Variants in NEO1 observed in about 807,000 individuals in gnomAD.
The protein encoded by NEO1 is neogenin 1, also known as neogenin.
Under a neutral mutation model 159.7 loss-of-function variants are expected in NEO1, and 63 were observed. The observed-to-expected ratio is 0.39, with a 90% CI of 0.32 to 0.49. The LOEUF (loss-of-function observed/expected upper bound fraction) is 0.49. Among genes scored for constraint, NEO1 ranks in the 20% least tolerant of loss-of-function variants. NEO1 has a pLI of 0.85. For synonymous variants in NEO1, 633 were observed against 662.0 expected (o/e 0.96, Z 0.67); for missense variants, 1,615 against 1,831.0 (o/e 0.88, Z 2.15).
intron 14 of NEO1, among the ~76,000 whole-genome samples, chr15:73,260,070 T>C (rs2040551188): frequency 1.3e-5 from 2 of 149,704 alleles, no homozygotes; most frequent in African/African-American, 4.9e-5. Flanking sequence ...TTCAGGTCTT[T>C]TTTTTTTTTT....
At chr15:73,138,358 C>T (rs910104371) in intron 5 of NEO1, among the ~76,000 whole-genome samples, 29 of 152,160 alleles carry the variant, frequency 1.9e-4, no homozygotes, top group African/African-American at 7.0e-4. Context: ...AATTATCACA[C>T]AAGATCTCTG....
intron 1 of NEO1, among the ~76,000 whole-genome samples, chr15:73,059,624 G>A (rs1189914367): frequency 6.6e-6 from 1 of 152,156 alleles, no homozygotes. Flanking sequence ...TTGATTTGGC[G>A]AGAGAAAGTG....
At position 73,160,241 on chromosome 15, in the gene NEO1, C is replaced by T. The variant is rs151051687; in HGVS notation, c.1016-16162C>T. On this transcript the variant is annotated intron_variant, in intron 5 of 28. Coordinates refer to ENST00000261908, the MANE Select transcript of NEO1 (RefSeq NM_002499.4). ...TTCCTATTCTCTACTTTCTGCTCAA[C>T]GCAGAAAACCTCTGTGATCCCAGAA... 3.8e-4 allele frequency among the ~76,000 whole-genome samples: 58 copies of T among 152,286 alleles called. 1 individual carries two copies. The highest frequency in any genetic ancestry group is 6.5e-4 in the Admixed American group (10 of 15,300).
intron 3 of NEO1, among the ~76,000 whole-genome samples, chr15:73,123,361 T>A (rs2071783345): frequency 6.6e-6 from 1 of 152,200 alleles, no homozygotes; most frequent in South Asian, 2.1e-4. Flanking sequence ...ATTAGTGCTG[T>A]GTCTTTTGTC....
intron 1 of NEO1, among the ~76,000 whole-genome samples, chr15:73,083,822 AT>A (rs2069202675): frequency 6.6e-6 from 1 of 152,154 alleles, no homozygotes; most frequent in Non-Finnish European, 1.5e-5. Flanking sequence ...TAACAATAGT[AT>A]TAACAGTACT....
intron 3 of NEO1, among the ~76,000 whole-genome samples, chr15:73,123,603 GC>G (rs1194520799): frequency 6.6e-6 from 1 of 152,026 alleles, no homozygotes; most frequent in Non-Finnish European, 1.5e-5. Context: ...CTCAGTTCCT[GC>G]CCCTTCTGGT....
At chr15:73,078,970 A>G (rs1454140890) in intron 1 of NEO1, among the ~76,000 whole-genome samples, 1 of 152,226 alleles carries the variant, frequency 6.6e-6, no homozygotes, top group Non-Finnish European at 1.5e-5. Flanking sequence ...AATACTAAAC[A>G]GTGTGGTTTT....
intron 5 of NEO1, among the ~76,000 whole-genome samples, chr15:73,174,793 A>C (rs965921177): frequency 2.6e-5 from 4 of 152,248 alleles, no homozygotes; most frequent in African/African-American, 9.6e-5. Flanking sequence ...ATTTATATAC[A>C]TAATTCACAA....
In NEO1 at chr15:73,217,325, T is replaced by G. The variant is rs1207631670; in HGVS notation, c.1292-19022T>G. Reference sequence around the variant, plus strand: ...GGTACCAGTACCATGCTGTTTTGGTTACTGTAGCCTTGTAGTATAGTTTGA... The same window carrying G: ...GGTACCAGTACCATGCTGTTTTGGTGACTGTAGCCTTGTAGTATAGTTTGA... On this transcript the variant is annotated intron_variant, in intron 7 of 28. Transcript: ENST00000261908. 8.0e-3 allele frequency among the ~76,000 whole-genome samples: 1,204 copies of G among 149,768 alleles called. 20 individuals carry two copies. The highest frequency in any genetic ancestry group is 0.027 in the African/African-American group (1,117 of 40,820).
At chr15:73,274,065 C>T in intron 20 of NEO1, 60 bp downstream of exon 20, 1 of 1,479,944 alleles carries the variant, frequency 6.8e-7, no homozygotes, top group Non-Finnish European at 9.3e-7. Context: ...TATGCTGACA[C>T]TATCACTTGA....
chr15:73,262,922 C>A (rs1328111986), intron 15 of NEO1, among the ~76,000 whole-genome samples: 1 of 152,144 alleles, frequency 6.6e-6, no homozygotes, highest in African/African-American at 2.4e-5. Context: ...CATAAACATG[C>A]TGACCAAAGA....
chr15:73,278,150 A>G lies in NEO1; in HGVS notation c.3213A>G (p.Lys1071=). The change falls in exon 22 of 29, where the codon AAA becomes AAG. Residue 1071 remains lysine (K), a synonymous_variant. Transcript: ENST00000261908. ...PNDQASGSGG[K]GSRLPDLGSD... ...CTTTAGCCTCAGGGTCTGGAGGGAA[A>G]GGAAGCCGGCTGCCAGACCTAGGAT... The G allele has an allele frequency of 3.7e-6, 6 of 1,613,126 alleles. No individual in the cohort carries two copies. Among genetic ancestry groups the G allele is most frequent in the East Asian group, 2.2e-5 (1 of 44,876 alleles).
At chr15:73,187,119 G>A (rs1294766632) in intron 7 of NEO1, among the ~76,000 whole-genome samples, 1 of 152,166 alleles carries the variant, frequency 6.6e-6, no homozygotes, top group Non-Finnish European at 1.5e-5. Context: ...AAGATGCTCA[G>A]ATACTTTCAA....
At chr15:73,261,675 A>G (rs533875534) in intron 15 of NEO1, among the ~76,000 whole-genome samples, 1 of 152,308 alleles carries the variant, frequency 6.6e-6, no homozygotes, top group East Asian at 1.9e-4. Flanking sequence ...ATTAAAGAAT[A>G]CTTAAGATAC....
intron 7 of NEO1, among the ~76,000 whole-genome samples, chr15:73,182,610 A>G (rs1030794204): frequency 3.9e-5 from 6 of 152,178 alleles, no homozygotes; most frequent in African/African-American, 1.4e-4. Context: ...GGCAGAAGGC[A>G]AAAGGCACAT....
chr15:73,115,277 A>G (rs1031478590), intron 1 of NEO1, among the ~76,000 whole-genome samples: 1 of 152,168 alleles, frequency 6.6e-6, no homozygotes, highest in Non-Finnish European at 1.5e-5. Context: ...TGCTGACCTC[A>G]TGATCCACCC....
At chr15:73,289,047 T>C (rs1203457773) in intron 24 of NEO1, 99 bp from the exon 25 acceptor site, 1 of 851,626 alleles carries the variant, frequency 1.2e-6, no homozygotes, top group East Asian at 2.6e-5. Flanking sequence ...ATTATGCTGT[T>C]TGTGAATTCT....
chr15:73,061,143 G>C (rs1658710652), intron 1 of NEO1, among the ~76,000 whole-genome samples: 1 of 152,174 alleles, frequency 6.6e-6, no homozygotes, highest in African/African-American at 2.4e-5. Context: ...TCTAATTTCT[G>C]AGCCCATAGC....
chr15:73,212,661 C>G (rs1353209177), intron 7 of NEO1, among the ~76,000 whole-genome samples: 1 of 150,976 alleles, frequency 6.6e-6, no homozygotes. Flanking sequence ...ATTTGTCTTA[C>G]AGAAATATTT....
Sources: allele counts gnomAD v4.1 joint callset (sites outside exome capture counted in the v4.1 genomes callset), GRCh38; gene constraint gnomAD v4.1.1; transcripts MANE v1.5; gene names NCBI Gene and HGNC (gene_info 2026-07-23, HGNC 2026-07-21).